GRIN2B: variants seen among roughly 807,000 people sequenced by gnomAD.
The protein encoded by GRIN2B is glutamate receptor ionotropic, NMDA 2B.
GRIN2B carries 5 observed loss-of-function variants against 114.5 expected under a neutral mutation model. The observed-to-expected ratio is 0.04, with a 90% CI of 0.02 to 0.09. GRIN2B has a LOEUF of 0.09. Ranked by LOEUF, GRIN2B falls within the 10% of genes least tolerant of loss-of-function variation. GRIN2B has a pLI of 1.00. For missense variants in GRIN2B, 1,108 were observed against 1,943.5 expected (o/e 0.57, Z 8.08); for synonymous variants, 787 against 745.1 (o/e 1.06, Z -0.92).
chr12:13,890,823 C>T (rs1023276949), intron 2 of GRIN2B, among the ~76,000 whole-genome samples: 1 of 152,136 alleles, frequency 6.6e-6, no homozygotes, highest in Admixed American at 6.5e-5. Flanking sequence ...TCAGAGAAGG[C>T]AGAGTCCTTT....
chr12:13,664,399 C>T (rs1949955219), intron 5 of GRIN2B, among the ~76,000 whole-genome samples: 1 of 152,142 alleles, frequency 6.6e-6, no homozygotes, highest in South Asian at 2.1e-4. Flanking sequence ...AATTTTGCCA[C>T]ATCTGTATAC....
chr12:13,611,166 G>C (rs958166267), intron 9 of GRIN2B, among the ~76,000 whole-genome samples: 1 of 152,162 alleles, frequency 6.6e-6, no homozygotes, highest in Non-Finnish European at 1.5e-5. Flanking sequence ...AGCTATGAGT[G>C]AGAATTGGTC....
chr12:13,808,749 AAAAATATAT>A (rs1463527414), intron 3 of GRIN2B, among the ~76,000 whole-genome samples: 48 of 101,132 alleles, frequency 4.7e-4, no homozygotes, highest in African/African-American at 1.3e-3. Context: ...ATAATAAAAA[AAAAATATAT>A]ATATATATAT....
chr12:13,627,508 G>C (rs530255292), intron 5 of GRIN2B, among the ~76,000 whole-genome samples: 2 of 152,352 alleles, frequency 1.3e-5, no homozygotes, highest in South Asian at 4.1e-4. Flanking sequence ...GGTGGCAGTA[G>C]TGACATTTAT....
chr12:13,877,891 C>T (rs1224800706), intron 2 of GRIN2B, among the ~76,000 whole-genome samples: 1 of 151,764 alleles, frequency 6.6e-6, no homozygotes, highest in Non-Finnish European at 1.5e-5. Flanking sequence ...GGTGAAACTG[C>T]GTCTCTACTA....
rs542920589 is a variant in GRIN2B, at chr12:13,800,761, G to A, written c.412-46846C>T. On this transcript the variant is annotated intron_variant, in intron 3 of 13. Coordinates refer to ENST00000609686, the MANE Select transcript of GRIN2B (RefSeq NM_000834.5). ...ACAGGCTAACACATTTACTATGAAT[G>A]TACGTCATGATTTGGATGTTCACAA... is the stretch of plus-strand genomic sequence containing the variant. 5.3e-5 allele frequency among the ~76,000 whole-genome samples: 8 copies of A among 152,246 alleles called. No individual in the cohort carries two copies. In the South Asian group the frequency reaches 1.0e-3, roughly 20 times the overall value.
intron 3 of GRIN2B, among the ~76,000 whole-genome samples, chr12:13,823,368 T>C (rs1864972784): frequency 6.6e-6 from 1 of 152,062 alleles, no homozygotes; most frequent in Non-Finnish European, 1.5e-5. Flanking sequence ...GTTTTCAGGG[T>C]AGGGGTCTTG....
intron 4 of GRIN2B, among the ~76,000 whole-genome samples, chr12:13,696,738 T>G (rs960387967): frequency 2.6e-5 from 4 of 152,186 alleles, no homozygotes; most frequent in African/African-American, 7.2e-5. Context: ...AGCTGTATGT[T>G]GCCATCCTCT....
chr12:13,753,499 C>A lies in GRIN2B; in HGVS notation c.828G>T (p.Gly276=). The change falls in exon 4 of 14, where the codon GGG becomes GGT. Residue 276 remains glycine (G), a synonymous_variant. Coordinates refer to ENST00000609686, the MANE Select transcript of GRIN2B (RefSeq NM_000834.5). This position sits in a 1 kb window ranked among gnomAD's most constrained non-coding sequence, Gnocchi z 6.2. Reference sequence around the variant, plus strand: ...ATTCATCATATGATACAGAGATGAGCCCAGTGGGGAACTCCGCAGGCACTG... The same window carrying A: ...ATTCATCATATGATACAGAGATGAGACCAGTGGGGAACTCCGCAGGCACTG... ...TDTVPAEFPT[G]LISVSYDEWD... The A allele has an allele frequency of 6.2e-7, 1 of 1,614,166 alleles. No individual in the cohort carries two copies. The highest frequency in any genetic ancestry group is 8.5e-7 in the Non-Finnish European group (1 of 1,180,014).
rs1438022538 is a variant in GRIN2B, at chr12:13,711,592, A to C, written c.1011-35733T>G. 2.6e-5 allele frequency among the ~76,000 whole-genome samples: 4 copies of C among 152,314 alleles called. No homozygotes were observed. The East Asian group carries it at 5.8e-4, about 22-fold the overall frequency. Reference sequence around the variant, plus strand: ...AGGATATGAACAGACACTTCTCAAAAGAAGACATTTATGCAGCCAAAAGAC... The same window carrying C: ...AGGATATGAACAGACACTTCTCAAACGAAGACATTTATGCAGCCAAAAGAC... On this transcript the variant is annotated intron_variant, in intron 4 of 13. Coordinates refer to ENST00000609686, the MANE Select transcript of GRIN2B (RefSeq NM_000834.5).
intron 5 of GRIN2B, among the ~76,000 whole-genome samples, chr12:13,622,019 G>A (rs190106242): frequency 6.6e-6 from 1 of 152,078 alleles, no homozygotes; most frequent in East Asian, 1.9e-4. Flanking sequence ...TGTGAAGAAG[G>A]GAGAGGGGAC....
At chr12:13,821,997 T>A in intron 3 of GRIN2B, among the ~76,000 whole-genome samples, 1 of 152,164 alleles carries the variant, frequency 6.6e-6, no homozygotes, top group Middle Eastern at 3.2e-3. Flanking sequence ...CTAATTCTAA[T>A]ATATATAAGG....
At chr12:13,679,043 GAA>G (rs1950104069) in intron 4 of GRIN2B, among the ~76,000 whole-genome samples, 1 of 151,892 alleles carries the variant, frequency 6.6e-6, no homozygotes, top group Admixed American at 6.6e-5. Flanking sequence ...AGGAAGGAAA[GAA>G]AGAGAGGAAA....
chr12:13,630,831 C>T lies in GRIN2B; in HGVS notation c.1126-14174G>A, dbSNP rs199715693. 4.6e-5 allele frequency among the ~76,000 whole-genome samples: 7 copies of T among 152,268 alleles called. No individual in the cohort carries two copies. In the East Asian group the frequency reaches 1.2e-3, roughly 25 times the overall value. On this transcript the variant is annotated intron_variant, in intron 5 of 13. Transcript: ENST00000609686. ...GTTGTTACACAGCAATATTCTCACACTGCTAAAAAGTACTACCTTACACTG... is the reference window on the plus strand; with the variant it reads ...GTTGTTACACAGCAATATTCTCACATTGCTAAAAAGTACTACCTTACACTG...
At chr12:13,734,136 G>C (rs559779022) in intron 4 of GRIN2B, among the ~76,000 whole-genome samples, 19 of 152,286 alleles carry the variant, frequency 1.2e-4, no homozygotes, top group African/African-American at 4.3e-4. Flanking sequence ...GCTAAATGAA[G>C]CCCCCATAGG....
intron 3 of GRIN2B, among the ~76,000 whole-genome samples, chr12:13,754,335 T>C (rs74065276): frequency 0.015 from 2,338 of 152,304 alleles, 69 homozygotes; most frequent in African/African-American, 0.053. Context: ...CAAACACAAA[T>C]GCACATGCCC....
intron 5 of GRIN2B, among the ~76,000 whole-genome samples, chr12:13,626,700 G>T (rs1027093033): frequency 5.9e-5 from 9 of 151,956 alleles, no homozygotes; most frequent in Non-Finnish European, 4.4e-5. Context: ...ATCATTGGTT[G>T]CATGTGATTC....
At chr12:13,685,519 G>A (rs1027899336) in intron 4 of GRIN2B, among the ~76,000 whole-genome samples, 4 of 152,186 alleles carry the variant, frequency 2.6e-5, no homozygotes, top group Non-Finnish European at 2.9e-5. Flanking sequence ...AGGGTCAAAG[G>A]AGGGAGGATC....
intron 10 of GRIN2B, 46 bp downstream of exon 10, chr12:13,608,557 G>T: frequency 7.1e-7 from 1 of 1,399,884 alleles, no homozygotes; most frequent in Non-Finnish European, 1.0e-6. Context: ...GTATGGCTGA[G>T]AACAGGATTG....
Sources: gnomAD v4.1 joint callset for allele counts (sites outside exome capture counted in the v4.1 genomes callset) on GRCh38, gnomAD v4.1.1 for gene constraint, Gnocchi (gnomAD v3.1) non-coding constraint, MANE v1.5 for transcripts, NCBI Gene and HGNC (gene_info 2026-07-23, HGNC 2026-07-21) for gene names.